Variants in AFAP1 observed in about 807,000 individuals in gnomAD.
The protein encoded by AFAP1 is actin filament-associated protein 1.
Under a neutral mutation model 93.9 loss-of-function variants are expected in AFAP1, and 75 were observed. That is an observed-to-expected ratio of 0.80 (90% CI 0.66 to 0.97). The LOEUF is 0.97. AFAP1 is among the 50% of genes least tolerant of loss of function. The pLI is 0.00. For synonymous variants in AFAP1, 517 were observed against 430.7 expected (o/e 1.20, Z -2.48); for missense variants, 1,201 against 1,050.8 (o/e 1.14, Z -1.98).
intron 5 of AFAP1, 31 bp downstream of exon 5, chr4:7,843,107 AC>A (rs781607767): frequency 6.2e-7 from 1 of 1,606,964 alleles, no homozygotes; most frequent in South Asian, 1.1e-5. Context: ...CAGCAATCTT[AC>A]AAAAAATGCA....
Position 7,759,040 on chromosome 4 carries a change from G to A in AFAP1, c.*4725C>T, listed in dbSNP as rs564092399. 1.3e-5 allele frequency: 2 copies of A among 152,614 alleles called. No homozygotes were observed. The highest frequency in any genetic ancestry group is 4.8e-5 in the African/African-American group (2 of 41,520). 9.5% of individuals were successfully genotyped at this position (152,614 alleles called of 1,614,324 possible). ...AAAGAGAATTTTAAATATGACTTTAGCTTTTAAAAAATACAATAAGGAAAT... is the reference window on the plus strand; with the variant it reads ...AAAGAGAATTTTAAATATGACTTTAACTTTTAAAAAATACAATAAGGAAAT... On this transcript the variant is annotated 3_prime_UTR_variant, in exon 18 of 18. Coordinates refer to ENST00000420658, the MANE Select transcript of AFAP1 (RefSeq NM_001134647.2).
chr4:7,798,198 G>A (rs1248193336), intron 10 of AFAP1, among the ~76,000 whole-genome samples: 1 of 121,424 alleles, frequency 8.2e-6, no homozygotes. Context: ...CAACTCTATT[G>A]GCTGGCTCAC....
rs375060902 is a variant in AFAP1, at chr4:7,796,737, T to C, written c.1267-2911A>G. ...CTGCACTCCAGCCTGGGCAACAGAG[T>C]GAGACTTGTCTCAAAAAAAAAAAAA... On this transcript the variant is annotated intron_variant, in intron 10 of 17. Transcript: ENST00000420658. 1.2e-4 allele frequency among the ~76,000 whole-genome samples: 15 copies of C among 130,254 alleles called. 1 individual carries two copies. The East Asian group carries it at 3.0e-3, about 26-fold the overall frequency. The allele number at this position is 130,254 out of a possible 152,430, so 85.5% of individuals were successfully genotyped here. A position where few individuals can be genotyped will look rare whatever the true frequency, so the allele number is the denominator to read the frequency against.
chr4:7,851,580 C>A (rs549202749), intron 4 of AFAP1, among the ~76,000 whole-genome samples: 2 of 152,244 alleles, frequency 1.3e-5, no homozygotes, highest in Non-Finnish European at 2.9e-5. Context: ...CCACGACCCA[C>A]TGTAGCTGCA....
chr4:7,848,702 A>C (rs946888130), intron 4 of AFAP1, among the ~76,000 whole-genome samples: 1 of 152,074 alleles, frequency 6.6e-6, no homozygotes, highest in Non-Finnish European at 1.5e-5. Context: ...CTCTGGAAAC[A>C]CCTCACAGAT....
intron 6 of AFAP1, 131 bp downstream of exon 6, chr4:7,838,393 A>C: frequency 9.2e-7 from 1 of 1,087,930 alleles, no homozygotes; most frequent in South Asian, 1.9e-5. Flanking sequence ...TTTAGCTATT[A>C]AAGACAAAAC....
intron 1 of AFAP1, among the ~76,000 whole-genome samples, chr4:7,929,743 C>T (rs573717963): frequency 1.2e-4 from 19 of 152,310 alleles, no homozygotes; most frequent in African/African-American, 3.4e-4. Context: ...CACACAGAGG[C>T]GGCACTCAGG....
intron 1 of AFAP1, among the ~76,000 whole-genome samples, chr4:7,877,696 A>G (rs968071567): frequency 6.6e-6 from 1 of 152,232 alleles, no homozygotes; most frequent in Non-Finnish European, 1.5e-5. Flanking sequence ...AACATTTCAT[A>G]ATAATAATTC....
intron 1 of AFAP1, among the ~76,000 whole-genome samples, chr4:7,934,969 T>C (rs562628625): frequency 6.6e-6 from 1 of 152,288 alleles, no homozygotes; most frequent in East Asian, 1.9e-4. Flanking sequence ...AAAATATTAA[T>C]GATAACTGAA....
At chr4:7,915,153 G>A (rs1219735440) in intron 1 of AFAP1, among the ~76,000 whole-genome samples, 4 of 152,226 alleles carry the variant, frequency 2.6e-5, no homozygotes, top group Admixed American at 6.5e-5. Context: ...CAAAGTGCTG[G>A]GATGTCAGTG....
intron 3 of AFAP1, among the ~76,000 whole-genome samples, chr4:7,865,283 C>T (rs1175540544): frequency 6.6e-6 from 1 of 152,154 alleles, no homozygotes; most frequent in Non-Finnish European, 1.5e-5. Context: ...ATGCATTAAG[C>T]ACCAGGAGGG....
chr4:7,843,142 C>T lies in AFAP1; in HGVS notation c.543G>A (p.Leu181=), dbSNP rs769057203. 4 of 1,613,662 alleles carry T rather than the reference C, an allele frequency of 2.5e-6. No individual in the cohort carries two copies. The South Asian group carries it at 3.3e-5, about 13-fold the overall frequency. The change falls in exon 5 of 18, where the codon CTG becomes CTA. Residue 181 remains leucine, a synonymous_variant. Coordinates refer to ENST00000420658, the MANE Select transcript of AFAP1 (RefSeq NM_001134647.2). ...CAAGCGATTCCAAATGTCTTACCAGCAGTTTGGTGTCTTTGATGACGCAGA... is the reference window on the plus strand; with the variant it reads ...CAAGCGATTCCAAATGTCTTACCAGTAGTTTGGTGTCTTTGATGACGCAGA... ...KLLCVIKDTK[L]LCYKSSKDQQ...
At chr4:7,888,543 T>C (rs1165009768) in intron 1 of AFAP1, among the ~76,000 whole-genome samples, 1 of 152,156 alleles carries the variant, frequency 6.6e-6, no homozygotes, top group African/African-American at 2.4e-5. Flanking sequence ...GATGCAAACT[T>C]TCAGAAACGG....
intron 1 of AFAP1, among the ~76,000 whole-genome samples, chr4:7,880,619 G>T (rs1349348002): frequency 6.6e-6 from 1 of 152,188 alleles, no homozygotes; most frequent in African/African-American, 2.4e-5. Flanking sequence ...GAGGCCCAGA[G>T]AAGAAAGGCG....
chr4:7,868,402 T>A (rs1369910063), intron 3 of AFAP1, among the ~76,000 whole-genome samples: 5 of 152,164 alleles, frequency 3.3e-5, no homozygotes, highest in Non-Finnish European at 7.3e-5. Context: ...TGTGAGGCAG[T>A]GCAAAGAAAT....
intron 1 of AFAP1, among the ~76,000 whole-genome samples, chr4:7,907,716 A>G (rs1189815712): frequency 6.6e-6 from 1 of 152,202 alleles, no homozygotes; most frequent in East Asian, 1.9e-4. Context: ...ACCAGCAAGT[A>G]TAATACATAT....
chr4:7,798,453 TGGCTCACGGCATTGCAACTCTATTGGC>T (rs1718692960), intron 10 of AFAP1, among the ~76,000 whole-genome samples: 1 of 110,842 alleles, frequency 9.0e-6, no homozygotes, highest in Non-Finnish European at 2.0e-5. Context: ...CCCTATTGGC[TGGCTCACGGCATTGCAACTCTATTGGC>T]TGGCTCACGG....
rs1271963485 is a variant in AFAP1, at chr4:7,759,923, T to A, written c.*3842A>T. The A allele has an allele frequency of 1.3e-5, 2 of 152,272 alleles. No homozygotes were observed. The highest frequency in any genetic ancestry group is 2.9e-5 in the Non-Finnish European group (2 of 68,058). The allele number at this position is 152,272 out of a possible 1,614,324, so 9.4% of individuals were successfully genotyped here. ...CATCCTTGGATGGTGTCTAATGACA[T>A]CAGTTCCGTGCATGAACACAGCACC... is the stretch of plus-strand genomic sequence containing the variant. On this transcript the variant is annotated 3_prime_UTR_variant, in exon 18 of 18. Transcript: ENST00000420658.
At chr4:7,843,371 C>A (rs781781836) in intron 4 of AFAP1, 21 bp from the exon 5 acceptor site, 19 of 1,594,008 alleles carry the variant, frequency 1.2e-5, no homozygotes, top group Non-Finnish European at 1.5e-5. Flanking sequence ...TAAACATACA[C>A]TGGTAAAAAG....
Sources: allele counts gnomAD v4.1 joint callset (sites outside exome capture counted in the v4.1 genomes callset), GRCh38; gene constraint gnomAD v4.1.1; transcripts MANE v1.5; gene names NCBI Gene and HGNC (gene_info 2026-07-23, HGNC 2026-07-21).